Variants in NKAIN3 observed in about 807,000 individuals in gnomAD.
NKAIN3 encodes the protein sodium/potassium-transporting ATPase subunit beta-1-interacting protein 3.
Under a neutral mutation model 30.2 loss-of-function variants are expected in NKAIN3, and 25 were observed. The ratio of observed to expected loss-of-function variants is 0.83; its 90% confidence interval spans 0.60 to 1.16. NKAIN3 has a LOEUF of 1.16. Ranked by LOEUF, NKAIN3 falls within the 50% of genes most tolerant of loss-of-function variation. The pLI, the probability that NKAIN3 is intolerant of heterozygous loss-of-function variation, is 0.00. For synonymous variants in NKAIN3, 91 were observed against 89.6 expected (o/e 1.02, Z -0.09); for missense variants, 225 against 254.1 (o/e 0.89, Z 0.78).
At chr8:62,649,915 A>C (rs547009628) in intron 3 of NKAIN3, among the ~76,000 whole-genome samples, 2 of 152,234 alleles carry the variant, frequency 1.3e-5, no homozygotes, top group Admixed American at 6.5e-5. Context: ...CCGTGATAAT[A>C]GATTTGCTCT....
At chr8:62,828,283 T>G (rs1164954472) in intron 4 of NKAIN3, among the ~76,000 whole-genome samples, 2 of 152,144 alleles carry the variant, frequency 1.3e-5, no homozygotes, top group Non-Finnish European at 2.9e-5. Context: ...AAAGATTATC[T>G]GAGACAGTTC....
At chr8:62,749,679 C>CTTTTTTTTTTTTT (rs35908903) in intron 4 of NKAIN3, among the ~76,000 whole-genome samples, 11 of 97,248 alleles carry the variant, frequency 1.1e-4, no homozygotes, top group South Asian at 3.9e-4. Context: ...TTTTTCTTTT[C>CTTTTTTTTTTTTT]TTTTTTTTTT....
intron 5 of NKAIN3, among the ~76,000 whole-genome samples, chr8:62,951,700 C>A (rs573870446): frequency 1.3e-5 from 2 of 152,254 alleles, no homozygotes; most frequent in Admixed American, 1.3e-4. Flanking sequence ...TGAGCCCAAG[C>A]AATTCACCCA....
At chr8:62,990,957 T>C (rs1824307970) in intron 5 of NKAIN3, 2 of 152,148 alleles carry the variant, frequency 1.3e-5, no homozygotes, top group African/African-American at 4.8e-5. Flanking sequence ...CTACCTTCAA[T>C]AGGGTGGCCA....
chr8:62,412,318 A>G (rs1334241421), intron 1 of NKAIN3, among the ~76,000 whole-genome samples: 1 of 55,662 alleles, frequency 1.8e-5, no homozygotes, highest in Non-Finnish European at 6.6e-5. Context: ...ACAAACAAAC[A>G]AAAAAAAACA....
chr8:62,722,338 C>T (rs1815118978), intron 3 of NKAIN3, among the ~76,000 whole-genome samples: 1 of 152,120 alleles, frequency 6.6e-6, no homozygotes, highest in South Asian at 2.1e-4. Context: ...GGCTTGGAAG[C>T]CCTCTGGGCT....
rs1056850678 is a variant in NKAIN3, at chr8:62,260,526, T to A, written c.54+11399T>A. Among the ~76,000 whole-genome samples the A allele has an allele frequency of 2.6e-5, 4 of 152,190 alleles. 1 individual carries two copies. The East Asian group carries it at 7.7e-4, about 29-fold the overall frequency. On this transcript the variant is annotated intron_variant, in intron 1 of 6. Coordinates refer to ENST00000623646, the MANE Select transcript of NKAIN3 (RefSeq NM_001304533.3). ...GCCATTGTTCGCTCCAAAGCAGTTA[T>A]GTGTGTGATGCTTCAATACTGAAGC...
chr8:62,372,870 G>A (rs1011567332), intron 1 of NKAIN3, among the ~76,000 whole-genome samples: 8 of 152,004 alleles, frequency 5.3e-5, no homozygotes, highest in Non-Finnish European at 8.8e-5. Flanking sequence ...TCCCTTCTCT[G>A]TCTTTTTGCA....
chr8:62,827,372 A>G (rs768701395), intron 4 of NKAIN3, among the ~76,000 whole-genome samples: 1 of 152,216 alleles, frequency 6.6e-6, no homozygotes, highest in Non-Finnish European at 1.5e-5. Flanking sequence ...AGGGAAAAAA[A>G]TAGCCTTACA....
At chr8:62,958,898 G>T (rs1823493563) in intron 6 of NKAIN3, among the ~76,000 whole-genome samples, 1 of 152,228 alleles carries the variant, frequency 6.6e-6, no homozygotes, top group Admixed American at 6.5e-5. Flanking sequence ...AGCAAAGGTA[G>T]AGCTAGATCT....
intron 1 of NKAIN3, among the ~76,000 whole-genome samples, chr8:62,276,929 T>A (rs1004573900): frequency 3.9e-5 from 6 of 152,168 alleles, no homozygotes; most frequent in Non-Finnish European, 8.8e-5. Flanking sequence ...TTTCTATGTT[T>A]AATTTTTCCT....
At chr8:62,841,555 T>C (rs1011175576) in intron 4 of NKAIN3, among the ~76,000 whole-genome samples, 4 of 152,186 alleles carry the variant, frequency 2.6e-5, no homozygotes, top group Admixed American at 2.6e-4. Context: ...AGATTTCACA[T>C]ATAAATGAGA....
intron 1 of NKAIN3, among the ~76,000 whole-genome samples, chr8:62,334,614 T>A (rs1275618816): frequency 2.6e-5 from 4 of 152,138 alleles, no homozygotes; most frequent in African/African-American, 9.7e-5. Context: ...TTAGAACCAG[T>A]ATGAAACATG....
chr8:62,697,158 C>T (rs1814182087), intron 3 of NKAIN3, among the ~76,000 whole-genome samples: 1 of 152,150 alleles, frequency 6.6e-6, no homozygotes. Flanking sequence ...TGCATGGCTC[C>T]CTATTTCACC....
intron 4 of NKAIN3, among the ~76,000 whole-genome samples, chr8:62,760,418 C>G (rs538901160): frequency 6.6e-6 from 1 of 152,132 alleles, no homozygotes; most frequent in Non-Finnish European, 1.5e-5. Flanking sequence ...AAATGTGGCA[C>G]ATATACACCA....
intron 3 of NKAIN3, among the ~76,000 whole-genome samples, 192 bp downstream of exon 3, chr8:62,589,986 G>T (rs1490127730): frequency 6.6e-6 from 1 of 151,038 alleles, no homozygotes; most frequent in Admixed American, 6.6e-5. Context: ...TTAGGAGTGT[G>T]TTAATATCAT....
intron 1 of NKAIN3, among the ~76,000 whole-genome samples, chr8:62,295,266 A>C (rs1379435681): frequency 2.0e-5 from 3 of 152,152 alleles, no homozygotes; most frequent in Admixed American, 1.3e-4. Context: ...TCTGGTTCAT[A>C]GGAGGTTGTG....
At chr8:62,760,406 G>A (rs1816614247) in intron 4 of NKAIN3, among the ~76,000 whole-genome samples, 1 of 152,138 alleles carries the variant, frequency 6.6e-6, no homozygotes, top group South Asian at 2.1e-4. Context: ...ACTGGATTAA[G>A]AAAATGTGGC....
intron 1 of NKAIN3, among the ~76,000 whole-genome samples, chr8:62,550,504 G>A (rs1184380850): frequency 6.6e-6 from 1 of 152,202 alleles, no homozygotes; most frequent in African/African-American, 2.4e-5. Flanking sequence ...AAAATCACTG[G>A]CATTGGCTGA....
Sources: gnomAD v4.1 joint callset for allele counts (sites outside exome capture counted in the v4.1 genomes callset) on GRCh38, gnomAD v4.1.1 for gene constraint, MANE v1.5 for transcripts, NCBI Gene and HGNC (gene_info 2026-07-23, HGNC 2026-07-21) for gene names.